The following CSMD3 variants were observed in gnomAD, a reference collection of about 807,000 sequenced individuals.
The protein encoded by CSMD3 is CUB and Sushi multiple domains 3.
In CSMD3, 177 loss-of-function variants were observed where a neutral mutation model predicts 435.2. The observed-to-expected ratio is 0.41, with a 90% confidence interval of 0.36 to 0.46. CSMD3 has a LOEUF of 0.46. Ranked by LOEUF, CSMD3 falls within the 20% of genes least tolerant of loss-of-function variation. CSMD3 has a pLI of 0.34. For synonymous variants in CSMD3, 1,656 were observed against 1,520.5 expected (o/e 1.09, Z -2.07); for missense variants, 4,265 against 4,504.6 (o/e 0.95, Z 1.52).
intron 6 of CSMD3, among the ~76,000 whole-genome samples, chr8:113,018,453 A>T (rs1288442661): frequency 6.6e-6 from 1 of 152,130 alleles, no homozygotes; most frequent in Admixed American, 6.5e-5. Context: ...TGAGAATGAA[A>T]TGAATTATTT....
At chr8:112,689,522 A>G (rs2076086064) in intron 14 of CSMD3, among the ~76,000 whole-genome samples, 1 of 152,082 alleles carries the variant, frequency 6.6e-6, no homozygotes, top group African/African-American at 2.4e-5. Context: ...GCAAATAAAC[A>G]TATACTATCT....
intron 38 of CSMD3, among the ~76,000 whole-genome samples, chr8:112,358,038 C>A (rs1563836303): frequency 6.6e-6 from 1 of 152,200 alleles, no homozygotes; most frequent in Non-Finnish European, 1.5e-5. Context: ...CTGTACCCTG[C>A]AGAGCCACGA....
In CSMD3 at chr8:112,292,654, A is replaced by C. The variant is rs555061908; in HGVS notation, c.8671T>G (p.Phe2891Val). The change falls in exon 55 of 71, where the codon TTC becomes GTC. Residue 2891 changes from phenylalanine (F) to valine (V), a missense_variant. This residue lies in a region of CSMD3 where 3,255 missense variants were observed against 3,380.2 expected (regional missense o/e 0.96). Coordinates refer to ENST00000297405, the MANE Select transcript of CSMD3 (RefSeq NM_198123.2). ...AATGTTACCACATCATTAAAGTTGA[A>C]CCCATTTCCACTTGTTCTTCCATAA... ...PIYGRTSGNG[F>V]NFNDVVTFSC... is the part of the protein sequence containing the mutation. The C allele has an allele frequency of 9.9e-6, 16 of 1,613,832 alleles. No individual in the cohort carries two copies. In the East Asian group the frequency reaches 3.3e-4, roughly 34 times the overall value.
chr8:112,616,449 G>A (rs1015954621), intron 22 of CSMD3, among the ~76,000 whole-genome samples: 5 of 152,036 alleles, frequency 3.3e-5, no homozygotes, highest in Non-Finnish European at 5.9e-5. Context: ...TAAGCTATGG[G>A]CATTTATTGA....
At chr8:113,412,914 T>A (rs1313077532) in intron 1 of CSMD3, among the ~76,000 whole-genome samples, 1 of 151,982 alleles carries the variant, frequency 6.6e-6, no homozygotes, top group African/African-American at 2.4e-5. Context: ...AATACACACA[T>A]AATCATGCAC....
At chr8:113,310,660 G>A (rs2093860709) in intron 2 of CSMD3, 1 of 151,702 alleles carries the variant, frequency 6.6e-6, no homozygotes, top group African/African-American at 2.4e-5. Flanking sequence ...AAGACTGAGA[G>A]GTAATGAAGT....
At chr8:112,910,482 G>T (rs997675744) in intron 10 of CSMD3, among the ~76,000 whole-genome samples, 1 of 151,634 alleles carries the variant, frequency 6.6e-6, no homozygotes, top group African/African-American at 2.4e-5. Flanking sequence ...TACCTTCATC[G>T]GCTCCTTCCT....
chr8:112,399,459 A>G (rs899963394), intron 35 of CSMD3, among the ~76,000 whole-genome samples: 3 of 151,932 alleles, frequency 2.0e-5, no homozygotes, highest in Non-Finnish European at 2.9e-5. Flanking sequence ...CAGATTTCCC[A>G]TTGGCCAGAC....
intron 5 of CSMD3, among the ~76,000 whole-genome samples, chr8:113,037,443 G>A (rs1380946935): frequency 2.0e-5 from 3 of 152,016 alleles, no homozygotes; most frequent in Admixed American, 6.6e-5. Flanking sequence ...TCTGATAGGA[G>A]AGATGTTATT....
intron 35 of CSMD3, among the ~76,000 whole-genome samples, chr8:112,398,604 G>A (rs2129875334): frequency 6.6e-6 from 1 of 152,290 alleles, no homozygotes; most frequent in African/African-American, 2.4e-5. Context: ...AGCATGGTGA[G>A]CCAGACCCAC....
intron 1 of CSMD3, among the ~76,000 whole-genome samples, chr8:113,393,218 A>G (rs1252400188): frequency 3.9e-5 from 6 of 151,930 alleles, no homozygotes; most frequent in Non-Finnish European, 2.9e-5. Context: ...TATATTTGGT[A>G]GATACTGTGG....
chr8:112,804,471 G>A (rs1007064733), intron 12 of CSMD3, among the ~76,000 whole-genome samples: 3 of 152,094 alleles, frequency 2.0e-5, no homozygotes, highest in South Asian at 2.1e-4. Flanking sequence ...TGTTGGAGGC[G>A]GGACTGGAGA....
chr8:113,310,803 T>C (rs1417811802), intron 2 of CSMD3: 2 of 151,844 alleles, frequency 1.3e-5, no homozygotes, highest in African/African-American at 2.4e-5. Flanking sequence ...ATAGAAAATA[T>C]ATATTCATAA....
chr8:112,463,805 GAGA>G (rs1424251390), intron 32 of CSMD3, among the ~76,000 whole-genome samples: 1 of 152,150 alleles, frequency 6.6e-6, no homozygotes, highest in Admixed American at 6.5e-5. Context: ...CCCTTTTCTA[GAGA>G]AGACCCAGGG....
At chr8:113,127,275 T>C (rs1478372878) in intron 4 of CSMD3, among the ~76,000 whole-genome samples, 1 of 152,110 alleles carries the variant, frequency 6.6e-6, no homozygotes, top group East Asian at 1.9e-4. Flanking sequence ...TCACCTGTCA[T>C]GTCCACTTGG....
chr8:113,285,511 G>A (rs1218912711), intron 2 of CSMD3, among the ~76,000 whole-genome samples: 1 of 152,134 alleles, frequency 6.6e-6, no homozygotes, highest in Admixed American at 6.6e-5. Context: ...CGCCTGCCTC[G>A]GCCTCCCAAA....
At chr8:112,328,373 G>T (rs1392979785) in intron 45 of CSMD3, among the ~76,000 whole-genome samples, 1 of 152,102 alleles carries the variant, frequency 6.6e-6, no homozygotes, top group Non-Finnish European at 1.5e-5. Context: ...TTTCCATTTT[G>T]CAGAAAATCT....
At position 112,311,031 on chromosome 8, in the gene CSMD3, C is replaced by A. The variant is rs773713084; in HGVS notation, c.7832G>T (p.Arg2611Ile). Reference protein sequence around the residue: ...RLVGKSSAVCRKSSYGYHAWD... With the variant: ...RLVGKSSAVCIKSSYGYHAWD... ...TGCATGATACCCATAGGAAGACTTT[C>A]TGCACACAGCACTGCTTTTTCCAAC... The change falls in exon 50 of 71, where the codon AGA becomes ATA. Residue 2611 changes from arginine (R) to isoleucine (I), a missense_variant. Coordinates refer to ENST00000297405, the MANE Select transcript of CSMD3 (RefSeq NM_198123.2). 6.2e-7 allele frequency: 1 copy of A among 1,614,128 alleles called. No individual in the cohort carries two copies. The highest frequency in any genetic ancestry group is 1.1e-5 in the South Asian group (1 of 91,086).
intron 22 of CSMD3, among the ~76,000 whole-genome samples, chr8:112,635,147 C>A (rs1457600638): frequency 6.6e-6 from 1 of 152,020 alleles, no homozygotes. Flanking sequence ...GGAGAGACAG[C>A]AGATTATACT....
Sources: gnomAD v4.1 joint callset for allele counts (sites outside exome capture counted in the v4.1 genomes callset) on GRCh38, gnomAD v4.1.1 for gene constraint, gnomAD v4.1.1 regional missense constraint, MANE v1.5 for transcripts, NCBI Gene and HGNC (gene_info 2026-07-23, HGNC 2026-07-21) for gene names.